The following MYO15B variants were observed in gnomAD, a reference collection of about 807,000 sequenced individuals.
MYO15B encodes the protein myosin XVB pseudogene.
Under a neutral mutation model 119.3 loss-of-function variants are expected in MYO15B, and 207 were observed. The ratio of observed to expected loss-of-function variants is 1.73; its 90% CI spans 1.55 to 1.95. The LOEUF is 1.95. Among genes scored for constraint, MYO15B ranks in the 30% most tolerant of loss-of-function variants. The pLI is 0.00. For missense variants in MYO15B, 2,264 were observed against 1,203.1 expected, an observed-to-expected ratio of 1.88 and a Z score of -13.04; for synonymous variants, 966 against 498.9, an observed-to-expected ratio of 1.94 and a Z score of -12.48.
At chr17:75,617,637 T>C (rs1398244957) in intron 41 of MYO15B, 173 bp from the exon 42 acceptor site, 1 of 589,488 alleles carries the variant, frequency 1.7e-6, no homozygotes, top group East Asian at 2.8e-5. Context: ...AGGGAAAGTT[T>C]AGGGCCCAAA....
At chr17:75,588,006 G>C (rs932039814) in exon 1 of MYO15B, 1 of 398,044 alleles carries the variant, frequency 2.5e-6, no homozygotes, top group Non-Finnish European at 4.4e-6. Context: ...CCAAATCCCC[G>C]GGGAGGGGAA....
chr17:75,620,102 G>T, intron 47 of MYO15B, 82 bp downstream of exon 47: 1 of 671,738 alleles, frequency 1.5e-6, no homozygotes, highest in Admixed American at 2.1e-5. Context: ...CCCTGTGGGG[G>T]CAGGGGCTGG....
intron 21 of MYO15B, among the ~76,000 whole-genome samples, chr17:75,606,619 A>T (rs1326871057): frequency 6.6e-6 from 1 of 151,942 alleles, no homozygotes; most frequent in Non-Finnish European, 1.5e-5. Flanking sequence ...GATTACAGGC[A>T]TATGCCACCA....
rs1320479886 is a variant in MYO15B at position 75,624,659 on chromosome 17, C to T, written c.8542+20C>T. ...AGAAGAGTAAGCTTGGGGACGGAGC[C>T]TCACGGTGGGGCCACTCCCCTGCCC... On this transcript the variant is annotated intron_variant, in intron 58 of 63. Coordinates refer to ENST00000645453, the Ensembl canonical transcript of MYO15B. The T allele has an allele frequency of 1.4e-6, 1 of 702,904 alleles. No individual in the cohort carries two copies. The highest frequency in any genetic ancestry group is 1.7e-5 in the African/African-American group (1 of 57,250). 43.5% of individuals were successfully genotyped at this position (702,904 alleles called of 1,614,324 possible). A position where few individuals can be genotyped will look rare whatever the true frequency, so the allele number is the denominator to read the frequency against.
intron 7 of MYO15B, 34 bp from the exon 8 acceptor site, chr17:75,592,394 G>T (rs760089948): frequency 8.4e-5 from 57 of 677,152 alleles, no homozygotes; most frequent in Non-Finnish European, 1.4e-4. Flanking sequence ...AAGCCCCTAG[G>T]GCACTGAGCC....
chr17:75,624,436 C>T lies in MYO15B; in HGVS notation c.8434C>T (p.Gln2812Ter). The change falls in exon 57 of 64, where the codon CAG (glutamine) becomes TAG (stop). Residue 2812 changes from glutamine (Q) to a stop codon, truncating the protein, a stop_gained. Coordinates refer to ENST00000645453, the Ensembl canonical transcript of MYO15B. LOFTEE classifies it high-confidence loss of function. Reference sequence around the variant, plus strand: ...GGGTGTGGATTATAGGACGAATATCCAGACTTTCACAGTGAGCTTGGGGGC... The same window carrying T: ...GGGTGTGGATTATAGGACGAATATCTAGACTTTCACAGTGAGCTTGGGGGC... The T allele has an allele frequency of 1.4e-6, 1 of 702,768 alleles. No homozygotes were observed. Among genetic ancestry groups the T allele is most frequent in the Non-Finnish European group, 2.6e-6 (1 of 385,014 alleles). 43.5% of individuals were successfully genotyped at this position (702,768 alleles called of 1,614,324 possible).
exon 36 of MYO15B, chr17:75,615,882 A>T (rs1388010245): frequency 1.5e-6 from 1 of 675,556 alleles, no homozygotes; most frequent in Admixed American, 2.2e-5. Flanking sequence ...TGGCTGCCTG[A>T]GGGTGAGGAG....
chr17:75,616,401 G>C (rs778281146), exon 38 of MYO15B: 11 of 623,738 alleles, frequency 1.8e-5, no homozygotes, highest in East Asian at 2.7e-5. Flanking sequence ...GGAGGAGGAG[G>C]AGGAGGAGGA....
intron 19 of MYO15B, among the ~76,000 whole-genome samples, 199 bp from the exon 20 acceptor site, chr17:75,605,305 C>T (rs910522393): frequency 3.9e-5 from 6 of 151,918 alleles, no homozygotes; most frequent in Admixed American, 6.5e-5. Context: ...GGTGCGGTGG[C>T]GGGCACCTGT....
intron 53 of MYO15B, 61 bp from the exon 54 acceptor site, chr17:75,623,720 C>T: frequency 1.4e-6 from 1 of 698,826 alleles, no homozygotes; most frequent in South Asian, 1.5e-5. Flanking sequence ...TTCTCCAGGG[C>T]TTCAGACCCC....
At chr17:75,614,708 G>A (rs2058256609) in intron 31 of MYO15B, 25 bp downstream of exon 31, 2 of 702,658 alleles carry the variant, frequency 2.8e-6, no homozygotes, top group African/African-American at 3.5e-5. Flanking sequence ...GGCACATGGA[G>A]GTTGGCAGAG....
chr17:75,613,390 C>T (rs918675513), exon 28 of MYO15B: 13 of 671,710 alleles, frequency 1.9e-5, no homozygotes, highest in Middle Eastern at 6.7e-4. Context: ...GGGGGCCACT[C>T]GGGCCCACCC....
chr17:75,607,102 C>T (rs1327737395), intron 21 of MYO15B: 5 of 395,432 alleles, frequency 1.3e-5, no homozygotes, highest in African/African-American at 6.2e-5. Flanking sequence ...GAGAGTAACT[C>T]GAGGGCTGAG....
At chr17:75,602,291 C>A in intron 15 of MYO15B, 1 of 666,760 alleles carries the variant, frequency 1.5e-6, no homozygotes. Context: ...GTTAAAGCCC[C>A]AGTGGGGAGA....
At chr17:75,595,247 C>A (rs993846550) in intron 12 of MYO15B, among the ~76,000 whole-genome samples, 4 of 152,182 alleles carry the variant, frequency 2.6e-5, no homozygotes, top group Admixed American at 2.6e-4. Flanking sequence ...CTTCCACTCA[C>A]CTCCAGAGGA....
chr17:75,602,842 C>A, exon 17 of MYO15B: 1 of 631,234 alleles, frequency 1.6e-6, no homozygotes, highest in South Asian at 1.8e-5. Flanking sequence ...GGTGGGCAGC[C>A]TGTTCCAGGA....
exon 62 of MYO15B, chr17:75,625,917 C>T (rs770517780): frequency 5.4e-5 from 38 of 702,670 alleles, no homozygotes; most frequent in East Asian, 2.7e-4. Context: ...AGGCCCTGTC[C>T]GGACCCACTC....
exon 20 of MYO15B, chr17:75,605,542 C>T (rs1261447159): frequency 4.3e-6 from 3 of 702,956 alleles, no homozygotes; most frequent in Non-Finnish European, 2.6e-6. Flanking sequence ...GAAGACCTCT[C>T]TGACCGGGAG....
rs1440418182 is a variant in MYO15B at position 75,592,890 on chromosome 17, T to C, written c.2991+50T>C. The C allele has an allele frequency of 4.4e-6, 3 of 683,416 alleles. No individual in the cohort carries two copies. The East Asian group carries it at 8.1e-5, about 18-fold the overall frequency. The allele number at this position is 683,416 out of a possible 1,614,324, so 42.3% of individuals were successfully genotyped here. On this transcript the variant is annotated intron_variant, in intron 9 of 63. Coordinates refer to ENST00000645453, the Ensembl canonical transcript of MYO15B. ...CATCTGGGGTGCTGGGTCTGTAGAATCAGGGCAGTGGTAATGACGCCAAAT... is the reference window on the plus strand; with the variant it reads ...CATCTGGGGTGCTGGGTCTGTAGAACCAGGGCAGTGGTAATGACGCCAAAT...
Sources: gnomAD v4.1 joint callset for allele counts (sites outside exome capture counted in the v4.1 genomes callset) on GRCh38, gnomAD v4.1.1 for gene constraint, MANE v1.5 for transcripts, NCBI Gene and HGNC (gene_info 2026-07-23, HGNC 2026-07-21) for gene names.